Variants in PKIG observed in about 807,000 individuals in gnomAD.
The protein encoded by PKIG is cAMP-dependent protein kinase inhibitor gamma.
A neutral mutation model predicts 6.8 loss-of-function variants in PKIG; 1 was observed. The ratio of observed to expected loss-of-function variants is 0.15; its 90% CI spans 0.05 to 0.69. PKIG has a LOEUF of 0.69. Among genes scored for constraint, PKIG ranks in the 30% least tolerant of loss-of-function variants. PKIG has a pLI of 0.82. For synonymous variants in PKIG, 39 were observed against 43.0 expected, an observed-to-expected ratio of 0.91 and a Z score of 0.36; for missense variants, 77 against 104.0, an observed-to-expected ratio of 0.74 and a Z score of 1.13.
upstream of PKIG, among the ~76,000 whole-genome samples, chr20:44,578,136 C>T (rs1167980146): frequency 7.9e-5 from 12 of 151,524 alleles, no homozygotes; most frequent in Admixed American, 5.9e-4. Flanking sequence ...GTCGGGAGAT[C>T]GAGACCATCC....
At chr20:44,577,541 TTTC>T (rs1226501203) in intron 1 of PKIG, among the ~76,000 whole-genome samples, 1 of 152,210 alleles carries the variant, frequency 6.6e-6, no homozygotes, top group Non-Finnish European at 1.5e-5. Flanking sequence ...TCTTCTGTAT[TTTC>T]TTATCTTTTT....
intron 1 of PKIG, among the ~76,000 whole-genome samples, chr20:44,547,508 C>T (rs1200827496): frequency 6.6e-6 from 1 of 152,064 alleles, no homozygotes; most frequent in Admixed American, 6.6e-5. Flanking sequence ...AAACCTGCCT[C>T]ATAGGAGTTG....
intron 1 of PKIG, among the ~76,000 whole-genome samples, chr20:44,533,967 C>T (rs1018355982): frequency 9.2e-5 from 14 of 152,008 alleles, no homozygotes; most frequent in African/African-American, 2.4e-4. Flanking sequence ...ATGGTTGGGG[C>T]GGAATCTATA....
chr20:44,551,155 A>G (rs924348211), intron 1 of PKIG, among the ~76,000 whole-genome samples: 1 of 151,842 alleles, frequency 6.6e-6, no homozygotes, highest in Non-Finnish European at 1.5e-5. Flanking sequence ...CCGGGTTCAC[A>G]CCACTCTCCT....
Position 44,585,844 on chromosome 20 carries a change from G to C in PKIG, c.-94+3113G>C, listed in dbSNP as rs576806064. ...GAATTTGCAGCCCTGCATCTGGTTGGTGTCTACCGTTTCTTTCGATTTAGA... is the reference window on the plus strand; with the variant it reads ...GAATTTGCAGCCCTGCATCTGGTTGCTGTCTACCGTTTCTTTCGATTTAGA... On this transcript the variant is annotated intron_variant, in intron 1 of 3. Transcript: ENST00000372886. 3.5e-4 allele frequency among the ~76,000 whole-genome samples: 53 copies of C among 152,340 alleles called. No homozygotes were observed. In the Middle Eastern group the frequency reaches 0.017, roughly 49 times the overall value.
At chr20:44,612,317 G>C (rs1008099171) in intron 2 of PKIG, among the ~76,000 whole-genome samples, 2 of 151,422 alleles carry the variant, frequency 1.3e-5, no homozygotes, top group African/African-American at 4.8e-5. Flanking sequence ...ACCAGGTGCA[G>C]TAAACATCCT....
chr20:44,535,626 A>G (rs1180414796), intron 1 of PKIG, among the ~76,000 whole-genome samples: 1 of 152,160 alleles, frequency 6.6e-6, no homozygotes, highest in Admixed American at 6.6e-5. Context: ...GGGTGACAAG[A>G]GCAAAACTCC....
At chr20:44,570,871 T>C (rs2064848090) in intron 1 of PKIG, among the ~76,000 whole-genome samples, 1 of 152,178 alleles carries the variant, frequency 6.6e-6, no homozygotes, top group African/African-American at 2.4e-5. Flanking sequence ...ACATCTCAGC[T>C]AAGGTCTCAG....
intron 1 of PKIG, among the ~76,000 whole-genome samples, chr20:44,576,336 C>A (rs74783293): frequency 6.6e-6 from 1 of 151,906 alleles, no homozygotes; most frequent in Non-Finnish European, 1.5e-5. Context: ...ACACATGGAA[C>A]GTGTACTTAT....
At chr20:44,544,661 GT>G (rs1568803830) in intron 1 of PKIG, among the ~76,000 whole-genome samples, 1 of 152,206 alleles carries the variant, frequency 6.6e-6, no homozygotes, top group Non-Finnish European at 1.5e-5. Context: ...ACCATGTTCA[GT>G]TTACATCTCA....
chr20:44,574,485 A>T (rs2064879244), intron 1 of PKIG, among the ~76,000 whole-genome samples: 1 of 152,216 alleles, frequency 6.6e-6, no homozygotes, highest in South Asian at 2.1e-4. Context: ...CTGTGCTGGT[A>T]GCCATTTTCC....
At chr20:44,565,202 G>A (rs919341144) in intron 1 of PKIG, among the ~76,000 whole-genome samples, 2 of 152,022 alleles carry the variant, frequency 1.3e-5, no homozygotes, top group Non-Finnish European at 2.9e-5. Flanking sequence ...TTTATTAAGC[G>A]CCTTCTGTTT....
chr20:44,553,103 C>T (rs1386508063), intron 1 of PKIG, among the ~76,000 whole-genome samples: 1 of 152,168 alleles, frequency 6.6e-6, no homozygotes, highest in Non-Finnish European at 1.5e-5. Flanking sequence ...CACACTGACT[C>T]ATCTTTCTCA....
intron 3 of PKIG, among the ~76,000 whole-genome samples, chr20:44,617,958 A>G (rs1327991811): frequency 1.3e-5 from 2 of 152,034 alleles, no homozygotes; most frequent in African/African-American, 4.8e-5. Flanking sequence ...CACACTGGGG[A>G]CTTAACATCT....
chr20:44,534,468 C>T (rs1460548822), intron 1 of PKIG, among the ~76,000 whole-genome samples: 1 of 151,440 alleles, frequency 6.6e-6, no homozygotes, highest in African/African-American at 2.4e-5. Flanking sequence ...TTTCATGCAC[C>T]ATTCTTTTTT....
rs191629127 is a variant in PKIG, at chr20:44,537,611, T to C, written c.-241+5633T>C. Reference sequence around the variant, plus strand: ...TTTTTTTTTTGAGACAGAGTCTCACTCTGTCCCTCAGGCTGGAGTGCAGTG... The same window carrying C: ...TTTTTTTTTTGAGACAGAGTCTCACCCTGTCCCTCAGGCTGGAGTGCAGTG... On this transcript the variant is annotated intron_variant, in intron 1 of 4. Transcript: ENST00000372887. 2.4e-4 allele frequency among the ~76,000 whole-genome samples: 37 copies of C among 151,336 alleles called. No homozygotes were observed. In the East Asian group the frequency reaches 7.1e-3, roughly 29 times the overall value.
chr20:44,608,363 ACAT>A (rs1490702517), intron 2 of PKIG, among the ~76,000 whole-genome samples: 1 of 152,258 alleles, frequency 6.6e-6, no homozygotes, highest in African/African-American at 2.4e-5. Context: ...ATATTCACAA[ACAT>A]CATTTTAATG....
At chr20:44,565,874 C>A (rs1366368938) in intron 1 of PKIG, among the ~76,000 whole-genome samples, 1 of 152,154 alleles carries the variant, frequency 6.6e-6, no homozygotes, top group Non-Finnish European at 1.5e-5. Flanking sequence ...GCAATTCTCC[C>A]TCCTCAGCCT....
intron 1 of PKIG, among the ~76,000 whole-genome samples, chr20:44,538,649 A>T (rs1486000067): frequency 6.6e-6 from 1 of 152,136 alleles, no homozygotes; most frequent in Non-Finnish European, 1.5e-5. Flanking sequence ...TCTAAGAGAG[A>T]AGGATTTTTT....
Sources: allele counts gnomAD v4.1 joint callset (sites outside exome capture counted in the v4.1 genomes callset), GRCh38; gene constraint gnomAD v4.1.1; transcripts MANE v1.5; gene names NCBI Gene and HGNC (gene_info 2026-07-23, HGNC 2026-07-21).